Variants in CSGALNACT1 observed in about 807,000 individuals in gnomAD.
CSGALNACT1 encodes the protein beta4GalNAcT-1.
In CSGALNACT1, 52 loss-of-function variants were observed where a neutral mutation model predicts 51.0. That is an observed-to-expected ratio of 1.02 (90% CI 0.82 to 1.29). CSGALNACT1 has a LOEUF of 1.29. Ranked by LOEUF, CSGALNACT1 falls within the 50% of genes most tolerant of loss-of-function variation. CSGALNACT1 has a pLI of 0.00. For missense variants in CSGALNACT1, 935 were observed against 679.2 expected, an observed-to-expected ratio of 1.38 and a Z score of -4.19; for synonymous variants, 341 against 254.4, an observed-to-expected ratio of 1.34 and a Z score of -3.24.
At chr8:19,742,312 A>G (rs951673552) in intron 1 of CSGALNACT1, among the ~76,000 whole-genome samples, 2 of 152,202 alleles carry the variant, frequency 1.3e-5, no homozygotes, top group African/African-American at 4.8e-5. Context: ...GTGCCAAACC[A>G]CAGTGCCGTA....
upstream of CSGALNACT1, among the ~76,000 whole-genome samples, chr8:19,686,356 G>C (rs2060976716): frequency 6.6e-6 from 1 of 152,194 alleles, no homozygotes. Flanking sequence ...TTATCTATAG[G>C]AGACAGCATT....
chr8:19,751,169 A>G (rs2065003434), intron 1 of CSGALNACT1, among the ~76,000 whole-genome samples: 1 of 152,196 alleles, frequency 6.6e-6, no homozygotes, highest in African/African-American at 2.4e-5. Context: ...ACAGCAAAGA[A>G]GTCATGAGCT....
chr8:19,450,753 C>A (rs1020391147), intron 5 of CSGALNACT1, among the ~76,000 whole-genome samples: 1 of 151,816 alleles, frequency 6.6e-6, no homozygotes. Flanking sequence ...TTTGTCTCTA[C>A]AAAAAATCTG....
intron 3 of CSGALNACT1, among the ~76,000 whole-genome samples, chr8:19,581,599 C>CT (rs1342299531): frequency 6.6e-6 from 1 of 151,564 alleles, no homozygotes; most frequent in African/African-American, 2.4e-5. Context: ...GAGTGAGACT[C>CT]TGTCTAAAAA....
At chr8:19,526,275 C>T (rs1294470835) in intron 3 of CSGALNACT1, among the ~76,000 whole-genome samples, 3 of 152,130 alleles carry the variant, frequency 2.0e-5, no homozygotes, top group Admixed American at 2.0e-4. Context: ...TACTCAAGGG[C>T]CCTTAACTTT....
At chr8:19,476,154 G>C (rs1322238331) in intron 4 of CSGALNACT1, among the ~76,000 whole-genome samples, 1 of 152,176 alleles carries the variant, frequency 6.6e-6, no homozygotes, top group Non-Finnish European at 1.5e-5. Context: ...CCATTTTTCA[G>C]ATGATAGTTT....
chr8:19,632,043 T>C (rs995998131), intron 1 of CSGALNACT1, among the ~76,000 whole-genome samples: 2 of 152,264 alleles, frequency 1.3e-5, no homozygotes, highest in East Asian at 3.8e-4. Context: ...TTTCTTACTA[T>C]ATTTCAAAGC....
chr8:19,479,762 GAA>G (rs559544868), intron 4 of CSGALNACT1, among the ~76,000 whole-genome samples: 3 of 87,930 alleles, frequency 3.4e-5, no homozygotes, highest in African/African-American at 9.1e-5. Context: ...TCTTGACTTA[GAA>G]AAAAAAAAAA....
At chr8:19,597,852 G>A (rs548213461) in intron 2 of CSGALNACT1, among the ~76,000 whole-genome samples, 1 of 152,336 alleles carries the variant, frequency 6.6e-6, no homozygotes, top group Admixed American at 6.5e-5. Context: ...TAAAAATGCA[G>A]AGACCATGCC....
chr8:19,749,639 C>T (rs2154253003), intron 1 of CSGALNACT1, among the ~76,000 whole-genome samples: 1 of 152,294 alleles, frequency 6.6e-6, no homozygotes, highest in East Asian at 1.9e-4. Context: ...ACAACACAGG[C>T]TAGTCTACAG....
intron 1 of CSGALNACT1, among the ~76,000 whole-genome samples, chr8:19,714,647 G>A (rs142288442): frequency 2.0e-5 from 3 of 151,890 alleles, no homozygotes; most frequent in Middle Eastern, 6.8e-3. Flanking sequence ...TTTTCTATTA[G>A]AGCCTTTAGC....
intron 3 of CSGALNACT1, among the ~76,000 whole-genome samples, chr8:19,585,489 G>A (rs2046423427): frequency 6.6e-6 from 1 of 152,190 alleles, no homozygotes; most frequent in South Asian, 2.1e-4. Flanking sequence ...CACAGCATAG[G>A]TAGATTCCTC....
chr8:19,454,623 G>A (rs910200932), intron 5 of CSGALNACT1, among the ~76,000 whole-genome samples: 1 of 151,954 alleles, frequency 6.6e-6, no homozygotes, highest in Non-Finnish European at 1.5e-5. Context: ...GTGAGCTAAG[G>A]TTCTGCCACT....
intron 1 of CSGALNACT1, among the ~76,000 whole-genome samples, chr8:19,660,477 C>T (rs2058662496): frequency 6.6e-6 from 1 of 152,156 alleles, no homozygotes; most frequent in African/African-American, 2.4e-5. Context: ...GGTGCCACAG[C>T]CTCTAGAAGA....
chr8:19,505,445 C>G, exon 4 of CSGALNACT1: 1 of 1,614,224 alleles, frequency 6.2e-7, no homozygotes, highest in Non-Finnish European at 8.5e-7. Context: ...TCACCTCTGC[C>G]TTGTCCACCT....
chr8:19,736,279 T>C (rs1390078808), intron 1 of CSGALNACT1, among the ~76,000 whole-genome samples: 3 of 152,208 alleles, frequency 2.0e-5, no homozygotes, highest in African/African-American at 7.2e-5. Flanking sequence ...ACTTGTAGTC[T>C]ATGGCTGCTT....
At chr8:19,440,198 C>G (rs1345006194) in intron 5 of CSGALNACT1, among the ~76,000 whole-genome samples, 1 of 152,190 alleles carries the variant, frequency 6.6e-6, no homozygotes, top group African/African-American at 2.4e-5. Context: ...CTGCCACAGT[C>G]CTAGCCCACC....
chr8:19,454,091 G>C (rs1261775793), intron 5 of CSGALNACT1, among the ~76,000 whole-genome samples: 1 of 152,214 alleles, frequency 6.6e-6, no homozygotes, highest in Non-Finnish European at 1.5e-5. Context: ...ATCATTTAAT[G>C]CCAGAATATC....
At chr8:19,579,507 T>C (rs1231203991) in intron 3 of CSGALNACT1, among the ~76,000 whole-genome samples, 5 of 152,234 alleles carry the variant, frequency 3.3e-5, no homozygotes, top group African/African-American at 1.2e-4. Flanking sequence ...TACTTTTCCT[T>C]TGTAGCTCTT....
Sources: allele counts gnomAD v4.1 joint callset (sites outside exome capture counted in the v4.1 genomes callset), GRCh38; gene constraint gnomAD v4.1.1; transcripts MANE v1.5; gene names NCBI Gene and HGNC (gene_info 2026-07-23, HGNC 2026-07-21).